The following PCDHGB2 variants were observed in gnomAD, a reference collection of about 807,000 sequenced individuals.
PCDHGB2 encodes the protein protocadherin gamma-B2.
A neutral mutation model predicts 59.3 loss-of-function variants in PCDHGB2; 55 were observed. The observed-to-expected ratio is 0.93, with a 90% CI of 0.75 to 1.16. The LOEUF (loss-of-function observed/expected upper bound fraction) is 1.16, where lower values mean the gene tolerates loss of function less well. Among genes scored for constraint, PCDHGB2 ranks in the 50% most tolerant of loss-of-function variants. The pLI is 0.00. For missense variants in PCDHGB2, 1,228 were observed against 1,198.5 expected, an observed-to-expected ratio of 1.02 and a Z score of -0.36; for synonymous variants, 516 against 512.0, an observed-to-expected ratio of 1.01 and a Z score of -0.11.
At chr5:141,374,716 C>A (rs752741869) in intron 1 of PCDHGB2, 3 of 1,609,798 alleles carry the variant, frequency 1.9e-6, no homozygotes, top group African/African-American at 1.3e-5. Context: ...ACCGCCTGGT[C>A]CTTACTGCCA....
At chr5:141,420,234 T>G (rs766733064) in intron 1 of PCDHGB2, 1 of 1,600,030 alleles carries the variant, frequency 6.2e-7, no homozygotes, top group Non-Finnish European at 8.5e-7. Flanking sequence ...GCTAGCATTT[T>G]AACTCCCAGC....
In PCDHGB2 at chr5:141,361,439, G is replaced by T. The variant is rs778817217; in HGVS notation, c.1304G>T (p.Ser435Ile). 2 of 1,614,032 alleles carry T rather than the reference G, an allele frequency of 1.2e-6. No homozygotes were observed. Reference protein sequence around the residue: ...TDGGKPPLSSSIIVTLHISDV... With the variant: ...TDGGKPPLSSIIIVTLHISDV... ...GGGGGCAAGCCGCCCCTCTCCTCCA[G>T]CATAATTGTCACCCTGCACATCTCC... Residue 435 changes from serine (S) to isoleucine (I), a missense_variant, in exon 1 of 4, where the codon AGC becomes ATC. By Grantham distance (142) the Ser-to-Ile change is moderately radical. Transcript: ENST00000522605.
rs955615446 is a variant in PCDHGB2 at position 141,420,343 on chromosome 5, ATTATT to A, written c.2421+57791_2421+57795del. Reference sequence around the variant, plus strand: ...TGCCAATATATTCCAATATAGTGGTATTATTTTAAGATTCTAGATAACTTCTTCAT... The same window carrying A: ...TGCCAATATATTCCAATATAGTGGTATTAAGATTCTAGATAACTTCTTCAT... On this transcript the variant is annotated intron_variant, in intron 1 of 3. Transcript: ENST00000522605. 8 of 1,394,426 alleles carry A rather than the reference ATTATT, an allele frequency of 5.7e-6. No homozygotes were observed. In the African/African-American group the frequency reaches 1.2e-4, roughly 20 times the overall value. 86.4% of individuals were successfully genotyped at this position (1,394,426 alleles called of 1,614,324 possible).
intron 1 of PCDHGB2, chr5:141,399,437 A>G (rs780100815): frequency 3.7e-5 from 59 of 1,613,998 alleles, no homozygotes; most frequent in East Asian, 6.7e-5. Flanking sequence ...GTCATCCTAC[A>G]TATCAGAGAC....
At chr5:141,389,582 T>C (rs1266016569) in intron 1 of PCDHGB2, 2 of 1,613,146 alleles carry the variant, frequency 1.2e-6, no homozygotes, top group Non-Finnish European at 1.7e-6. Context: ...CCGCGCTGGG[T>C]CCCGACGGCT....
At chr5:141,421,088 C>A in intron 1 of PCDHGB2, 2 of 659,434 alleles carry the variant, frequency 3.0e-6, no homozygotes, top group South Asian at 4.0e-5. Flanking sequence ...CTCACAGATC[C>A]TGACACTGGA....
intron 1 of PCDHGB2, chr5:141,400,431 A>G (rs542969819): frequency 3.0e-5 from 48 of 1,614,034 alleles, no homozygotes; most frequent in African/African-American, 1.1e-4. Context: ...GTAGTGAGCA[A>G]TTGAGTTCAG....
intron 3 of PCDHGB2, among the ~76,000 whole-genome samples, chr5:141,507,777 CT>C (rs1213538221): frequency 6.6e-6 from 1 of 152,220 alleles, no homozygotes; most frequent in Admixed American, 6.5e-5. Context: ...CACACAGGGC[CT>C]GACCCTCGTC....
At chr5:141,396,847 T>G (rs2093444333) in intron 1 of PCDHGB2, among the ~76,000 whole-genome samples, 1 of 152,190 alleles carries the variant, frequency 6.6e-6, no homozygotes. Context: ...GGGAGTTAAC[T>G]TCATAGTTTG....
At chr5:141,419,665 C>T in intron 1 of PCDHGB2, 1 of 1,612,860 alleles carries the variant, frequency 6.2e-7, no homozygotes, top group East Asian at 2.2e-5. Flanking sequence ...GGCACAATGC[C>T]TGGCTGTCCT....
chr5:141,399,383 C>A, intron 1 of PCDHGB2: 1 of 1,614,008 alleles, frequency 6.2e-7, no homozygotes. Context: ...GTCACCATCA[C>A]AGCCACAGAC....
At chr5:141,461,394 G>A (rs2099014614) in intron 1 of PCDHGB2, among the ~76,000 whole-genome samples, 1 of 152,098 alleles carries the variant, frequency 6.6e-6, no homozygotes. Flanking sequence ...GATTAGCGAT[G>A]TTGAGCATTT....
chr5:141,414,180 A>G, intron 1 of PCDHGB2: 2 of 1,608,986 alleles, frequency 1.2e-6, no homozygotes, highest in Middle Eastern at 1.7e-4. Context: ...TTGCAACTGC[A>G]AAAGTGTTGA....
chr5:141,365,603 A>G (rs1198770505), intron 1 of PCDHGB2: 5 of 1,613,602 alleles, frequency 3.1e-6, no homozygotes, highest in Non-Finnish European at 3.4e-6. Context: ...TTTAACCGTC[A>G]TGGACCATGG....
intron 1 of PCDHGB2, among the ~76,000 whole-genome samples, chr5:141,363,355 A>G (rs1252929193): frequency 6.6e-6 from 1 of 152,170 alleles, no homozygotes; most frequent in Non-Finnish European, 1.5e-5. Context: ...TGAAATGTCC[A>G]TTTTTTTCAA....
Position 141,450,758 on chromosome 5 carries a change from A to C in PCDHGB2, c.2422-44049A>C, listed in dbSNP as rs1007910264. On this transcript the variant is annotated intron_variant, in intron 1 of 3. Transcript: ENST00000522605. ...CGCCTTGGCCTCCCAAAGTGCCGGGATTACAGGCATGAGCCACCGTGCCCG... is the reference window on the plus strand; with the variant it reads ...CGCCTTGGCCTCCCAAAGTGCCGGGCTTACAGGCATGAGCCACCGTGCCCG... Among the ~76,000 whole-genome samples the C allele has an allele frequency of 5.3e-5, 8 of 151,784 alleles. No individual in the cohort carries two copies. In the East Asian group the frequency reaches 1.4e-3, roughly 26 times the overall value.
At chr5:141,495,810 C>A (rs1003475681) in intron 2 of PCDHGB2, among the ~76,000 whole-genome samples, 2 of 152,088 alleles carry the variant, frequency 1.3e-5, no homozygotes, top group African/African-American at 4.8e-5. Flanking sequence ...CGTTTCCTAG[C>A]GCCTTGTGTT....
chr5:141,369,135 G>A (rs1312211190), intron 1 of PCDHGB2, among the ~76,000 whole-genome samples: 2 of 152,130 alleles, frequency 1.3e-5, no homozygotes, highest in African/African-American at 4.8e-5. Context: ...CAGAAACATG[G>A]AAAATGGCAT....
chr5:141,394,077 G>T (rs2092915591), intron 1 of PCDHGB2: 2 of 1,613,828 alleles, frequency 1.2e-6, no homozygotes, highest in Non-Finnish European at 1.7e-6. Context: ...CAATATCACA[G>T]TGATGGCCTC....
Sources: gnomAD v4.1 joint callset for allele counts (sites outside exome capture counted in the v4.1 genomes callset) on GRCh38, gnomAD v4.1.1 for gene constraint, MANE v1.5 for transcripts, NCBI Gene and HGNC (gene_info 2026-07-23, HGNC 2026-07-21) for gene names.